SLC6A11: variants seen among roughly 807,000 people sequenced by gnomAD.
SLC6A11 encodes the protein sodium- and chloride-dependent GABA transporter 3.
A neutral mutation model predicts 74.8 loss-of-function variants in SLC6A11; 25 were observed. The ratio of observed to expected loss-of-function variants is 0.33; its 90% confidence interval spans 0.24 to 0.47. The LOEUF (loss-of-function observed/expected upper bound fraction) is 0.47, where lower values mean the gene tolerates loss of function less well. Among genes scored for constraint, SLC6A11 ranks in the 20% least tolerant of loss-of-function variants. The pLI is 1.00. For missense variants in SLC6A11, 574 were observed against 837.0 expected, an observed-to-expected ratio of 0.69 and a Z score of 3.88; for synonymous variants, 330 against 330.2, an observed-to-expected ratio of 1.00 and a Z score of 0.01.
Position 10,918,692 on chromosome 3 carries a change from C to G in SLC6A11, c.1120+239C>G, listed in dbSNP as rs188149485. On this transcript the variant is annotated intron_variant, in intron 8 of 13. Transcript: ENST00000254488. This position sits in a 1 kb window ranked among gnomAD's most constrained non-coding sequence, Gnocchi z 4.5. ...GTTTTGTAGATGCTGTTGCCCACTTCATTCATTTCTCCCAAGCTTCACCGT... is the reference window on the plus strand; with the variant it reads ...GTTTTGTAGATGCTGTTGCCCACTTGATTCATTTCTCCCAAGCTTCACCGT... 3.4e-4 allele frequency among the ~76,000 whole-genome samples: 51 copies of G among 152,200 alleles called. No individual in the cohort carries two copies. Among genetic ancestry groups the G allele is most frequent in the African/African-American group, 1.2e-3 (49 of 41,520 alleles).
intron 6 of SLC6A11, among the ~76,000 whole-genome samples, chr3:10,906,152 T>C (rs911366134): frequency 1.3e-5 from 2 of 152,166 alleles, no homozygotes; most frequent in Non-Finnish European, 2.9e-5. Context: ...CCCACCATAT[T>C]GCTCAGATCT....
chr3:10,901,237 C>T (rs1695236477), intron 6 of SLC6A11, among the ~76,000 whole-genome samples: 1 of 152,192 alleles, frequency 6.6e-6, no homozygotes, highest in South Asian at 2.1e-4. Context: ...AAATGGGGCT[C>T]AAGCAACTGA....
intron 10 of SLC6A11, among the ~76,000 whole-genome samples, chr3:10,931,964 C>CTCT (rs1386225149): frequency 6.6e-6 from 1 of 152,202 alleles, no homozygotes; most frequent in Non-Finnish European, 1.5e-5. Context: ...GCACAGGAGG[C>CTCT]TCTCCAGGTT....
At chr3:10,922,318 T>A (rs1695547558) in intron 8 of SLC6A11, among the ~76,000 whole-genome samples, 1 of 152,178 alleles carries the variant, frequency 6.6e-6, no homozygotes, top group African/African-American at 2.4e-5. Flanking sequence ...AAGATTAGCT[T>A]CATCAATGCT....
At chr3:10,937,013 C>T (rs1695767355) in intron 13 of SLC6A11, among the ~76,000 whole-genome samples, 1 of 152,086 alleles carries the variant, frequency 6.6e-6, no homozygotes. Flanking sequence ...GCCAGGTAGT[C>T]CACAACCCGA....
At chr3:10,866,081 T>A (rs988286561) in intron 5 of SLC6A11, among the ~76,000 whole-genome samples, 1 of 152,186 alleles carries the variant, frequency 6.6e-6, no homozygotes, top group Admixed American at 6.5e-5. Context: ...AGCATGGGTG[T>A]GAGCTGCCCA....
intron 6 of SLC6A11, among the ~76,000 whole-genome samples, chr3:10,903,613 G>A (rs1302287675): frequency 6.6e-6 from 1 of 152,174 alleles, no homozygotes; most frequent in Non-Finnish European, 1.5e-5. Context: ...GCATGCTTAT[G>A]GTGCGGGGAA....
At position 10,816,745 on chromosome 3, in the gene SLC6A11, C is replaced by T. The variant is rs1435316977; in HGVS notation, c.256+224C>T. 6.6e-6 allele frequency among the ~76,000 whole-genome samples: 1 copy of T among 152,232 alleles called. No homozygotes were observed. Among genetic ancestry groups the T allele is most frequent in the Non-Finnish European group, 1.5e-5 (1 of 68,042 alleles). On this transcript the variant is annotated intron_variant, in intron 1 of 13. Transcript: ENST00000254488. This position sits in a 1 kb window ranked among gnomAD's most constrained non-coding sequence, Gnocchi z 4.2. ...CGCACCTGAGGGTTCCACCTGCCAG[C>T]GCGGGGACTTGCCCGCGTTCTGTCC...
intron 3 of SLC6A11, among the ~76,000 whole-genome samples, chr3:10,822,643 C>G (rs1246735266): frequency 6.6e-6 from 1 of 152,050 alleles, no homozygotes; most frequent in East Asian, 1.9e-4. Flanking sequence ...CCCAGGGGCA[C>G]TGGGCCTTGA....
rs1285909530 is a variant in SLC6A11, at chr3:10,887,107, G to A, written c.891+12012G>A. ...TGGGCAGACAGACGGATGGATGGAT[G>A]GATGGATGGATGGAAGGAAGGATGC... is the stretch of plus-strand genomic sequence containing the variant. On this transcript the variant is annotated intron_variant, in intron 6 of 13. Coordinates refer to ENST00000254488, the MANE Select transcript of SLC6A11 (RefSeq NM_014229.3). Among the ~76,000 whole-genome samples, 7 of 151,930 alleles carry A rather than the reference G, an allele frequency of 4.6e-5. No individual in the cohort carries two copies. In the East Asian group the frequency reaches 1.4e-3, roughly 29 times the overall value.
rs1694689150 is a variant in SLC6A11 at position 10,860,406 on chromosome 3, G to A, written c.757-14555G>A. 2.6e-5 allele frequency among the ~76,000 whole-genome samples: 4 copies of A among 152,290 alleles called. No homozygotes were observed. In the South Asian group the frequency reaches 8.3e-4, roughly 32 times the overall value. On this transcript the variant is annotated intron_variant, in intron 5 of 13. Transcript: ENST00000254488. The stretch of plus-strand genomic sequence containing the variant: ...TAAAACATGTTTCTTAGAACTGATG[G>A]AATTGAAGCTCTGGGAACAAGTGGG...
chr3:10,933,936 C>A, intron 11 of SLC6A11, 130 bp from the exon 12 acceptor site: 1 of 625,300 alleles, frequency 1.6e-6, no homozygotes, highest in Non-Finnish European at 2.9e-6. Flanking sequence ...GTTGTTTAAG[C>A]AGTACAAAGA....
At chr3:10,826,703 A>C (rs1275675496) in intron 4 of SLC6A11, among the ~76,000 whole-genome samples, 1 of 152,236 alleles carries the variant, frequency 6.6e-6, no homozygotes, top group Non-Finnish European at 1.5e-5. Flanking sequence ...GCAGACAGGC[A>C]GGCAATATGT....
intron 3 of SLC6A11, among the ~76,000 whole-genome samples, chr3:10,821,726 A>G (rs1575664332): frequency 6.6e-6 from 1 of 152,358 alleles, no homozygotes; most frequent in East Asian, 1.9e-4. Context: ...GTAATCACAA[A>G]GACTTTATAA....
At chr3:10,859,007 C>T (rs1167943414) in intron 5 of SLC6A11, among the ~76,000 whole-genome samples, 1 of 152,114 alleles carries the variant, frequency 6.6e-6, no homozygotes, top group Non-Finnish European at 1.5e-5. Context: ...TAGAGATCAG[C>T]TTATGAAGGG....
rs1056618406 is a variant in SLC6A11 at position 10,926,613 on chromosome 3, C to T, written c.1233+497C>T. The stretch of plus-strand genomic sequence containing the variant: ...GCCACCACCAGCTCTGCCCCGCCAC[C>T]GCCTGCCTGTCTCTGTGCTCGGCCC... On this transcript the variant is annotated intron_variant, in intron 9 of 13. Coordinates refer to ENST00000254488, the MANE Select transcript of SLC6A11 (RefSeq NM_014229.3). The surrounding 1 kb of genome is among the most constrained non-coding windows in gnomAD (Gnocchi z 5.7). Among the ~76,000 whole-genome samples, 2 of 152,244 alleles carry T rather than the reference C, an allele frequency of 1.3e-5. No homozygotes were observed. The highest frequency in any genetic ancestry group is 2.1e-4 in the South Asian group (1 of 4,822).
chr3:10,900,947 G>A (rs1049526857), intron 6 of SLC6A11, among the ~76,000 whole-genome samples: 2 of 152,210 alleles, frequency 1.3e-5, no homozygotes, highest in African/African-American at 4.8e-5. Flanking sequence ...TGGGGGCATA[G>A]TTTTGGCTGC....
chr3:10,917,249 G>C (rs1695468665), intron 7 of SLC6A11, among the ~76,000 whole-genome samples: 1 of 152,190 alleles, frequency 6.6e-6, no homozygotes, highest in Non-Finnish European at 1.5e-5. Flanking sequence ...GAGAGAACAA[G>C]CATGGGTGAA....
chr3:10,875,435 C>T (rs1159303458), intron 6 of SLC6A11, among the ~76,000 whole-genome samples: 1 of 152,174 alleles, frequency 6.6e-6, no homozygotes, highest in Non-Finnish European at 1.5e-5. Flanking sequence ...GATAGCTACA[C>T]CATGATATGA....
Sources: gnomAD v4.1 joint callset for allele counts (sites outside exome capture counted in the v4.1 genomes callset) on GRCh38, gnomAD v4.1.1 for gene constraint, Gnocchi (gnomAD v3.1) non-coding constraint, MANE v1.5 for transcripts, NCBI Gene and HGNC (gene_info 2026-07-23, HGNC 2026-07-21) for gene names.